Variants in DPYD observed in about 807,000 individuals in gnomAD.
DPYD encodes dihydropyrimidine dehydrogenase.
DPYD carries 109 observed loss-of-function variants against 116.2 expected under a neutral mutation model. The ratio of observed to expected loss-of-function variants is 0.94; its 90% CI spans 0.80 to 1.10. The LOEUF (loss-of-function observed/expected upper bound fraction) is 1.10. Among genes scored for constraint, DPYD ranks in the 50% least tolerant of loss-of-function variants. The probability of loss-of-function intolerance (pLI) is 0.00; values close to 1 mark genes in which losing one functional copy is unlikely to be tolerated. For synonymous variants in DPYD, 440 were observed against 432.0 expected (o/e 1.02, Z -0.23); for missense variants, 1,302 against 1,254.5 (o/e 1.04, Z -0.57).
intron 16 of DPYD, among the ~76,000 whole-genome samples, chr1:97,338,443 T>A (rs79851747): frequency 0.064 from 9,705 of 152,072 alleles, 417 homozygotes; most frequent in African/African-American, 0.12. Context: ...GAAGCTAATA[T>A]ATAGCAGATT....
intron 12 of DPYD, chr1:97,546,640 T>C: frequency 6.2e-7 from 1 of 1,612,780 alleles, no homozygotes; most frequent in Non-Finnish European, 8.5e-7. Flanking sequence ...GTGGTGGCTT[T>C]ACATTGCAGA....
intron 20 of DPYD, among the ~76,000 whole-genome samples, chr1:97,161,413 T>C (rs973003134): frequency 1.3e-5 from 2 of 152,070 alleles, no homozygotes; most frequent in Non-Finnish European, 2.9e-5. Context: ...TAGGACCCTT[T>C]ATAAAGAGTT....
At chr1:97,123,213 C>G (rs1652581330) in intron 20 of DPYD, among the ~76,000 whole-genome samples, 1 of 152,074 alleles carries the variant, frequency 6.6e-6, no homozygotes, top group African/African-American at 2.4e-5. Context: ...AATTGGGTAT[C>G]TTTACATAGA....
At chr1:97,444,616 C>T (rs1475428545) in intron 14 of DPYD, among the ~76,000 whole-genome samples, 1 of 151,944 alleles carries the variant, frequency 6.6e-6, no homozygotes, top group Non-Finnish European at 1.5e-5. Context: ...CATATATATA[C>T]ATATATACAC....
chr1:97,163,407 C>G (rs564587318), intron 20 of DPYD, among the ~76,000 whole-genome samples: 8 of 152,218 alleles, frequency 5.3e-5, no homozygotes, highest in African/African-American at 1.9e-4. Context: ...AATCTACTAC[C>G]CAAATCAACA....
At chr1:97,497,310 T>A (rs557602900) in intron 13 of DPYD, among the ~76,000 whole-genome samples, 2 of 152,026 alleles carry the variant, frequency 1.3e-5, no homozygotes, top group South Asian at 4.2e-4. Flanking sequence ...ATATAGATGA[T>A]CCTGTAACAC....
At chr1:97,736,253 TA>T (rs1663934429) in intron 4 of DPYD, among the ~76,000 whole-genome samples, 1 of 151,890 alleles carries the variant, frequency 6.6e-6, no homozygotes, top group Admixed American at 6.6e-5. Flanking sequence ...CATTGTATGA[TA>T]AAAGGCCCCA....
At chr1:97,213,917 A>AT (rs1660207001) in intron 19 of DPYD, among the ~76,000 whole-genome samples, 3 of 152,148 alleles carry the variant, frequency 2.0e-5, no homozygotes, top group Admixed American at 2.0e-4. Context: ...TAAAATGCCC[A>AT]TTTTAGACAC....
intron 19 of DPYD, among the ~76,000 whole-genome samples, chr1:97,213,006 T>G (rs770581458): frequency 1.2e-4 from 18 of 152,116 alleles, no homozygotes; most frequent in Non-Finnish European, 2.4e-4. Flanking sequence ...AAGATCAAGG[T>G]GTCTGGTGAA....
chr1:97,525,862 AAG>A (rs1649026034), intron 12 of DPYD, among the ~76,000 whole-genome samples: 1 of 139,418 alleles, frequency 7.2e-6, no homozygotes, highest in South Asian at 2.4e-4. Context: ...CTGGGTAATT[AAG>A]AGTGTGCGTG....
chr1:97,094,368 C>T (rs911436443), intron 21 of DPYD, among the ~76,000 whole-genome samples: 1 of 152,026 alleles, frequency 6.6e-6, no homozygotes, highest in Non-Finnish European at 1.5e-5. Flanking sequence ...GAAAGCAGGA[C>T]AGTTAATATA....
intron 18 of DPYD, among the ~76,000 whole-genome samples, chr1:97,252,083 A>ATTTTTTTTTTTTTTTTTTTTTTTTTTTT (rs1320299006): frequency 6.6e-6 from 1 of 152,072 alleles, no homozygotes; most frequent in Non-Finnish European, 1.5e-5. Flanking sequence ...TCCCAGACAA[A>ATTTTTTTTTTTTTTTTTTTTTTTTTTTT]TCTTTAAGGA....
chr1:97,594,927 T>A, intron 9 of DPYD, 132 bp downstream of exon 9: 5 of 601,016 alleles, frequency 8.3e-6, no homozygotes, highest in Non-Finnish European at 1.1e-5. Context: ...TTTTTTTTAA[T>A]TTTACATTTG....
intron 3 of DPYD, among the ~76,000 whole-genome samples, chr1:97,779,771 T>C (rs1418799037): frequency 6.6e-6 from 1 of 152,128 alleles, no homozygotes; most frequent in Non-Finnish European, 1.5e-5. Context: ...ATTTTCACTT[T>C]GGCCTGGTAG....
intron 3 of DPYD, among the ~76,000 whole-genome samples, chr1:97,773,690 G>A (rs1430933337): frequency 4.6e-5 from 7 of 152,184 alleles, no homozygotes; most frequent in South Asian, 2.1e-4. Flanking sequence ...ATGGCAGAAC[G>A]AAGCGGATTA....
chr1:97,840,777 C>A (rs1265470666), intron 2 of DPYD, among the ~76,000 whole-genome samples: 1 of 152,136 alleles, frequency 6.6e-6, no homozygotes, highest in African/African-American at 2.4e-5. Flanking sequence ...GCCTCACTCT[C>A]AAATTATACT....
intron 2 of DPYD, among the ~76,000 whole-genome samples, chr1:97,851,038 T>C (rs893639334): frequency 3.3e-5 from 5 of 151,996 alleles, no homozygotes; most frequent in African/African-American, 4.8e-5. Context: ...AACAGAACTT[T>C]AGGATCTTTC....
At chr1:97,260,372 T>A (rs569557565) in intron 18 of DPYD, among the ~76,000 whole-genome samples, 1 of 152,064 alleles carries the variant, frequency 6.6e-6, no homozygotes, top group Non-Finnish European at 1.5e-5. Context: ...TATATGATAG[T>A]ATTCTGTACT....
At chr1:97,865,361 A>C (rs1218137510) in intron 2 of DPYD, among the ~76,000 whole-genome samples, 3 of 151,940 alleles carry the variant, frequency 2.0e-5, no homozygotes, top group African/African-American at 7.2e-5. Context: ...GAAAATATGG[A>C]AATATCTCTG....
Sources: gnomAD v4.1 joint callset for allele counts (sites outside exome capture counted in the v4.1 genomes callset) on GRCh38, gnomAD v4.1.1 for gene constraint, MANE v1.5 for transcripts, NCBI Gene and HGNC (gene_info 2026-07-23, HGNC 2026-07-21) for gene names.